The following NSD3 variants were observed in gnomAD, a reference collection of about 807,000 sequenced individuals.
NSD3 encodes histone-lysine N-methyltransferase NSD3.
In NSD3, 24 loss-of-function variants were observed where a neutral mutation model predicts 160.8. The observed-to-expected ratio is 0.15, with a 90% confidence interval of 0.11 to 0.21. The LOEUF is 0.21. Ranked by LOEUF, NSD3 falls within the 10% of genes least tolerant of loss-of-function variation. The pLI is 1.00. For synonymous variants in NSD3, 520 were observed against 600.0 expected, an observed-to-expected ratio of 0.87 and a Z score of 1.95; for missense variants, 1,157 against 1,735.9, an observed-to-expected ratio of 0.67 and a Z score of 5.93.
At chr8:38,286,485 G>T (rs1808861450) in intron 19 of NSD3, among the ~76,000 whole-genome samples, 1 of 152,172 alleles carries the variant, frequency 6.6e-6, no homozygotes, top group African/African-American at 2.4e-5. Flanking sequence ...CTCAGTAGAG[G>T]ACCCAGTTAA....
chr8:38,303,399 C>T (rs1809320099), intron 14 of NSD3: 1 of 985,326 alleles, frequency 1.0e-6, no homozygotes, highest in Admixed American at 6.1e-5. Flanking sequence ...TTTGACACTG[C>T]TGTAGTTAAG....
intron 14 of NSD3, among the ~76,000 whole-genome samples, chr8:38,300,306 T>C (rs1303369384): frequency 6.6e-6 from 1 of 152,000 alleles, no homozygotes; most frequent in Non-Finnish European, 1.5e-5. Context: ...GGACTACAGA[T>C]ACATGCCACC....
chr8:38,347,265 A>T (rs771290627), intron 2 of NSD3, among the ~76,000 whole-genome samples: 1 of 152,234 alleles, frequency 6.6e-6, no homozygotes, highest in Non-Finnish European at 1.5e-5. Flanking sequence ...ACAAAGAAAC[A>T]TAAGCAGAAA....
At position 38,321,056 on chromosome 8, in the gene NSD3, C is replaced by T. The variant is rs1809787181; in HGVS notation, c.1809+16G>A. The T allele has an allele frequency of 1.2e-6, 2 of 1,608,098 alleles. No individual in the cohort carries two copies. Among genetic ancestry groups the T allele is most frequent in the South Asian group, 1.1e-5 (1 of 90,940 alleles). ...ACAAATACAATGTTTTAACTCTCTA[C>T]ATGTAGGAAGCCAACCTGCTCCTTT... On this transcript the variant is annotated intron_variant, in intron 8 of 23. Coordinates refer to ENST00000317025, the MANE Select transcript of NSD3 (RefSeq NM_023034.2). The surrounding 1 kb of genome is among the most constrained non-coding windows in gnomAD (Gnocchi z 4.7).
intron 7 of NSD3, among the ~76,000 whole-genome samples, chr8:38,323,985 T>C (rs555162979): frequency 3.3e-5 from 5 of 152,246 alleles, no homozygotes; most frequent in African/African-American, 1.2e-4. Context: ...TCCTCCTAGG[T>C]ATCCCATTTA....
chr8:38,302,511 T>C (rs549271291), intron 14 of NSD3, among the ~76,000 whole-genome samples: 42 of 152,324 alleles, frequency 2.8e-4, no homozygotes, highest in Admixed American at 3.9e-4. Flanking sequence ...ATTCAGTAAA[T>C]ATTCCTGGAT....
At position 38,289,414 on chromosome 8, in the gene NSD3, G is replaced by C; in HGVS notation, c.3210C>G (p.Pro1070=). Reference sequence around the variant, plus strand: ...TTACTTTGATGTGTTTGTAGGGAGGGGGTTTTCTTGAGTTTTTTTCAATCT... The same window carrying C: ...TTACTTTGATGTGTTTGTAGGGAGGCGGTTTTCTTGAGTTTTTTTCAATCT... ...ALEIEKNSRK[P]PPYKHIKANK... The change falls in exon 18 of 24, where the codon CCC becomes CCG. Residue 1070 remains proline, a synonymous_variant. Transcript: ENST00000317025. The C allele has an allele frequency of 6.2e-7, 1 of 1,613,244 alleles. No homozygotes were observed. The highest frequency in any genetic ancestry group is 1.1e-5 in the South Asian group (1 of 90,940).
chr8:38,277,978 A>T (rs992559998), intron 22 of NSD3, among the ~76,000 whole-genome samples: 2 of 147,318 alleles, frequency 1.4e-5, no homozygotes, highest in Non-Finnish European at 3.0e-5. Context: ...TTGCACTGTC[A>T]CCCAGGCTGG....
intron 7 of NSD3, among the ~76,000 whole-genome samples, chr8:38,322,612 T>C (rs1809816757): frequency 6.6e-6 from 1 of 152,222 alleles, no homozygotes; most frequent in Non-Finnish European, 1.5e-5. Context: ...TAAAGCAACA[T>C]GATTTCTTAA....
chr8:38,276,576 C>T, intron 22 of NSD3, 76 bp from the exon 23 acceptor site: 1 of 1,488,494 alleles, frequency 6.7e-7, no homozygotes, highest in East Asian at 2.3e-5. Flanking sequence ...AACCCTGCAA[C>T]CTTGCATTCA....
intron 4 of NSD3, among the ~76,000 whole-genome samples, chr8:38,333,263 C>T (rs1382139885): frequency 6.6e-6 from 1 of 152,084 alleles, no homozygotes. Context: ...CAACTTCTTC[C>T]CCCATTAAAT....
chr8:38,314,816 C>A, intron 11 of NSD3, 43 bp from the exon 12 acceptor site: 2 of 1,593,264 alleles, frequency 1.3e-6, no homozygotes, highest in Non-Finnish European at 1.7e-6. Context: ...CTTTGGCAAA[C>A]ATCAAGACCA....
At position 38,273,367 on chromosome 8, in the gene NSD3, C is replaced by T. The variant is rs1226385408; in HGVS notation, c.*2274G>A. ...ATTAATCATAATTTTTTTTTAATTT[C>T]AGCAGAGCTCTGTTACAGATATGAA... On this transcript the variant is annotated 3_prime_UTR_variant, in exon 24 of 24. Transcript: ENST00000317025. The T allele has an allele frequency of 2.0e-5, 3 of 151,974 alleles. No homozygotes were observed. The highest frequency in any genetic ancestry group is 7.2e-5 in the African/African-American group (3 of 41,400). The allele number at this position is 151,974 out of a possible 1,614,324, so 9.4% of individuals were successfully genotyped here.
intron 12 of NSD3, among the ~76,000 whole-genome samples, chr8:38,308,404 A>T (rs1809456663): frequency 6.6e-6 from 1 of 152,134 alleles, no homozygotes; most frequent in Non-Finnish European, 1.5e-5. Context: ...ATAGATATGA[A>T]GGTAATTATA....
At chr8:38,337,852 ACAAT>A (rs1184099968) in intron 3 of NSD3, among the ~76,000 whole-genome samples, 1 of 152,264 alleles carries the variant, frequency 6.6e-6, no homozygotes, top group African/African-American at 2.4e-5. Context: ...AAAAGTGCTA[ACAAT>A]GTAAATTTAT....
At chr8:38,322,141 C>G (rs1156500653) in intron 7 of NSD3, among the ~76,000 whole-genome samples, 2 of 152,128 alleles carry the variant, frequency 1.3e-5, no homozygotes, top group East Asian at 1.9e-4. Context: ...ATCTATAAAG[C>G]CTTTCATATA....
chr8:38,354,081 A>C (rs956269858), intron 1 of NSD3, among the ~76,000 whole-genome samples: 3 of 152,228 alleles, frequency 2.0e-5, no homozygotes, highest in African/African-American at 7.2e-5. Context: ...CTAGCTTCCC[A>C]GACTAGAAAT....
chr8:38,316,650 T>C lies in NSD3; in HGVS notation c.1856-608A>G, dbSNP rs1809671962. On this transcript the variant is annotated intron_variant, in intron 9 of 23. Coordinates refer to ENST00000317025, the MANE Select transcript of NSD3 (RefSeq NM_023034.2). The surrounding 1 kb of genome is among the most constrained non-coding windows in gnomAD (Gnocchi z 4.5). ...TAACAAGCGCTGCAGCACATCTACA[T>C]ATGTCATGCCATTTAGAAGGCACAT... 1 of 1,053,064 alleles carries C rather than the reference T, an allele frequency of 9.5e-7. No individual in the cohort carries two copies. The highest frequency in any genetic ancestry group is 1.1e-6 in the Non-Finnish European group (1 of 871,582). 65.2% of individuals were successfully genotyped at this position (1,053,064 alleles called of 1,614,324 possible).
Position 38,305,296 on chromosome 8 carries a change from A to C in NSD3, c.2392T>G (p.Cys798Gly), listed in dbSNP as rs1400361595. Residue 798 changes from cysteine (C) to glycine (G), a missense_variant, in exon 13 of 24, where the codon TGC becomes GGC. Physicochemically the swap from Cys to Gly is radical, Grantham distance 159 (BLOSUM62 -3). Coordinates refer to ENST00000317025, the MANE Select transcript of NSD3 (RefSeq NM_023034.2). Reference sequence around the variant, plus strand: ...TTCTCCATAGAGCAGGCAGAGCAGCAGTGCTGAGGACAGCGGAATCCTTTT... The same window carrying C: ...TTCTCCATAGAGCAGGCAGAGCAGCCGTGCTGAGGACAGCGGAATCCTTTT... ...ESKGFRCPQH[C>G]CSACSMEKDI... The C allele has an allele frequency of 6.2e-7, 1 of 1,614,236 alleles. No individual in the cohort carries two copies. Among genetic ancestry groups the C allele is most frequent in the Non-Finnish European group, 8.5e-7 (1 of 1,180,038 alleles).
Sources: allele counts gnomAD v4.1 joint callset (sites outside exome capture counted in the v4.1 genomes callset), GRCh38; gene constraint gnomAD v4.1.1; non-coding constraint Gnocchi (gnomAD v3.1); transcripts MANE v1.5; gene names NCBI Gene and HGNC (gene_info 2026-07-23, HGNC 2026-07-21).